NPAS3: variants seen among roughly 807,000 people sequenced by gnomAD.
NPAS3 encodes the protein neuronal PAS domain protein 3.
NPAS3 carries 14 observed loss-of-function variants against 73.1 expected under a neutral mutation model. That is an observed-to-expected ratio of 0.19 (90% CI 0.13 to 0.30). The LOEUF is 0.30. Ranked by LOEUF, NPAS3 falls within the 10% of genes least tolerant of loss-of-function variation. The probability of loss-of-function intolerance (pLI) is 1.00; values close to 1 mark genes in which losing one functional copy is unlikely to be tolerated. For missense variants in NPAS3, 1,096 were observed against 1,250.0 expected (o/e 0.88, Z 1.86); for synonymous variants, 620 against 541.5 (o/e 1.14, Z -2.01).
intron 3 of NPAS3, among the ~76,000 whole-genome samples, chr14:33,246,302 G>A (rs1188978450): frequency 1.3e-5 from 2 of 152,058 alleles, no homozygotes. Context: ...CACTTTGGGA[G>A]GCCGAGGCGG....
chr14:33,551,335 A>G (rs1215771566), intron 4 of NPAS3, among the ~76,000 whole-genome samples: 1 of 152,144 alleles, frequency 6.6e-6, no homozygotes, highest in Non-Finnish European at 1.5e-5. Context: ...CTCCTTACCT[A>G]AAGAAATACC....
chr14:33,337,652 C>A (rs1310556843), intron 3 of NPAS3, among the ~76,000 whole-genome samples: 2 of 151,980 alleles, frequency 1.3e-5, no homozygotes. Context: ...AGAAATTCCA[C>A]TGAATCTATA....
chr14:32,964,812 C>A (rs368966317), intron 1 of NPAS3, among the ~76,000 whole-genome samples: 26 of 139,456 alleles, frequency 1.9e-4, no homozygotes, highest in South Asian at 2.2e-4. Flanking sequence ...CCTGTCTCTA[C>A]AAAAAAAAAA....
intron 2 of NPAS3, among the ~76,000 whole-genome samples, chr14:33,168,186 A>G (rs1199602307): frequency 6.6e-6 from 1 of 152,192 alleles, no homozygotes. Flanking sequence ...CCTGGAGCAC[A>G]TTTGCCTCTA....
intron 3 of NPAS3, among the ~76,000 whole-genome samples, chr14:33,258,599 T>C (rs1168014963): frequency 6.6e-6 from 1 of 152,164 alleles, no homozygotes; most frequent in Non-Finnish European, 1.5e-5. Flanking sequence ...TGTCCATACA[T>C]TGATGTGAAA....
At chr14:33,015,387 CAAA>C (rs2039353200) in intron 1 of NPAS3, among the ~76,000 whole-genome samples, 1 of 151,904 alleles carries the variant, frequency 6.6e-6, no homozygotes, top group Non-Finnish European at 1.5e-5. Flanking sequence ...ATCTGACTAA[CAAA>C]AAGGAAGGGT....
At chr14:33,031,376 A>G (rs1179634104) in intron 1 of NPAS3, among the ~76,000 whole-genome samples, 1 of 152,222 alleles carries the variant, frequency 6.6e-6, no homozygotes, top group Non-Finnish European at 1.5e-5. Flanking sequence ...GTGGATGCCA[A>G]TGTCATATGC....
chr14:33,633,122 G>T (rs2058426001), intron 5 of NPAS3, among the ~76,000 whole-genome samples: 1 of 152,096 alleles, frequency 6.6e-6, no homozygotes, highest in African/African-American at 2.4e-5. Flanking sequence ...TAACCTAGAG[G>T]TGATTTAATG....
intron 3 of NPAS3, among the ~76,000 whole-genome samples, chr14:33,360,900 GAGACGTTGACTGTC>G (rs2045568781): frequency 6.6e-6 from 1 of 152,054 alleles, no homozygotes; most frequent in African/African-American, 2.4e-5. Flanking sequence ...TCTGTCCTCC[GAGACGTTGACTGTC>G]AGACGTTGAC....
intron 5 of NPAS3, among the ~76,000 whole-genome samples, chr14:33,645,471 T>G (rs935975530): frequency 1.2e-4 from 19 of 152,236 alleles, no homozygotes; most frequent in Non-Finnish European, 2.4e-4. Context: ...ATAAGAATGA[T>G]AGAGTTACTG....
chr14:33,033,652 G>A (rs1216055071), intron 1 of NPAS3, among the ~76,000 whole-genome samples: 1 of 151,992 alleles, frequency 6.6e-6, no homozygotes, highest in African/African-American at 2.4e-5. Flanking sequence ...CTTAACTGAT[G>A]ACCACTCTCT....
intron 4 of NPAS3, among the ~76,000 whole-genome samples, chr14:33,477,063 C>G (rs2051070500): frequency 6.6e-6 from 1 of 152,114 alleles, no homozygotes; most frequent in South Asian, 2.1e-4. Context: ...TTGTCAACAC[C>G]CTTTTTATAA....
At chr14:33,579,544 AT>A (rs1278355833) in intron 5 of NPAS3, among the ~76,000 whole-genome samples, 1 of 152,246 alleles carries the variant, frequency 6.6e-6, no homozygotes, top group Non-Finnish European at 1.5e-5. Context: ...AGAATGAAGA[AT>A]TCAGAATCAA....
At chr14:33,737,444 C>G (rs2061549920) in intron 7 of NPAS3, among the ~76,000 whole-genome samples, 2 of 152,072 alleles carry the variant, frequency 1.3e-5, no homozygotes, top group Admixed American at 1.3e-4. Context: ...ATTCCAGATC[C>G]CATCGAATCA....
In NPAS3 at chr14:33,228,682, A is replaced by C. The variant is rs1473634054; in HGVS notation, c.385+13256A>C. On this transcript the variant is annotated intron_variant, in intron 3 of 11. Transcript: ENST00000356141. ...TCTCTGGGGGATGCAAAGTGGGGGA[A>C]AAAAGCGAACCATCTCCTCTAGGAG... is the stretch of plus-strand genomic sequence containing the variant. 2.6e-5 allele frequency among the ~76,000 whole-genome samples: 4 copies of C among 152,254 alleles called. No homozygotes were observed. The East Asian group carries it at 7.7e-4, about 29-fold the overall frequency.
intron 2 of NPAS3, among the ~76,000 whole-genome samples, chr14:33,091,687 A>G (rs2042229410): frequency 1.3e-5 from 2 of 152,086 alleles, no homozygotes; most frequent in Non-Finnish European, 2.9e-5. Flanking sequence ...ATTTTAGACC[A>G]ATATCCCTGA....
At chr14:32,938,894 C>G (rs1248151218), upstream of NPAS3, among the ~76,000 whole-genome samples, 1 of 145,496 alleles carries the variant, frequency 6.9e-6, no homozygotes, top group Non-Finnish European at 1.5e-5. Context: ...TCGCCTGTCT[C>G]CGCGCCGGGC....
chr14:33,474,567 T>C (rs2050934666), intron 4 of NPAS3, among the ~76,000 whole-genome samples: 1 of 152,166 alleles, frequency 6.6e-6, no homozygotes, highest in Non-Finnish European at 1.5e-5. Flanking sequence ...TGCATAAAAA[T>C]AGATTGCTTT....
intron 9 of NPAS3, among the ~76,000 whole-genome samples, chr14:33,781,887 G>A (rs1335523761): frequency 3.3e-5 from 5 of 152,130 alleles, no homozygotes; most frequent in Non-Finnish European, 5.9e-5. Flanking sequence ...AAAGTAAAGA[G>A]GAATATCAGC....
Sources: gnomAD v4.1 joint callset for allele counts (sites outside exome capture counted in the v4.1 genomes callset) on GRCh38, gnomAD v4.1.1 for gene constraint, MANE v1.5 for transcripts, NCBI Gene and HGNC (gene_info 2026-07-23, HGNC 2026-07-21) for gene names.